The following ASH1L variants were observed in gnomAD, a reference collection of about 807,000 sequenced individuals.
The protein encoded by ASH1L is ASH1 like histone lysine methyltransferase.
In ASH1L, 23 loss-of-function variants were observed where a neutral mutation model predicts 269.0. That is an observed-to-expected ratio of 0.09 (90% CI 0.06 to 0.12). The LOEUF (loss-of-function observed/expected upper bound fraction) is 0.12, where lower values mean the gene tolerates loss of function less well. Ranked by LOEUF, ASH1L falls within the 10% of genes least tolerant of loss-of-function variation. The pLI is 1.00. For missense variants in ASH1L, 2,912 were observed against 3,567.8 expected (o/e 0.82, Z 4.68); for synonymous variants, 1,187 against 1,253.5 (o/e 0.95, Z 1.12).
In ASH1L at chr1:155,444,852, C is replaced by T. The variant is rs796937558; in HGVS notation, c.5087-5784G>A. On this transcript the variant is annotated intron_variant, in intron 4 of 27. Coordinates refer to ENST00000392403, the MANE Select transcript of ASH1L (RefSeq NM_018489.3). Reference sequence around the variant, plus strand: ...CGGGATGGTCTCGATCTCTTGACCTCGTGATCCGCCCGCCTCGGCCTCCCA... The same window carrying T: ...CGGGATGGTCTCGATCTCTTGACCTTGTGATCCGCCCGCCTCGGCCTCCCA... 7.4e-5 allele frequency among the ~76,000 whole-genome samples: 11 copies of T among 149,358 alleles called. 2 individuals are homozygous for T. Among genetic ancestry groups the T allele is most frequent in the African/African-American group, 2.8e-4 (11 of 38,842 alleles).
chr1:155,380,603 A>G (rs1656848202), intron 7 of ASH1L, among the ~76,000 whole-genome samples: 2 of 151,956 alleles, frequency 1.3e-5, no homozygotes, highest in South Asian at 4.2e-4. Flanking sequence ...TTTGTCTTAT[A>G]TAAAATTATT....
At chr1:155,369,311 G>A (rs1337349920) in intron 12 of ASH1L, among the ~76,000 whole-genome samples, 3 of 152,152 alleles carry the variant, frequency 2.0e-5, no homozygotes, top group South Asian at 2.1e-4. Flanking sequence ...GCCGGGCGTG[G>A]TGGCAGGTGC....
intron 5 of ASH1L, among the ~76,000 whole-genome samples, chr1:155,417,481 G>A (rs1354107747): frequency 6.6e-6 from 1 of 152,124 alleles, no homozygotes; most frequent in Non-Finnish European, 1.5e-5. Flanking sequence ...AATTCCATAT[G>A]GCTGAACAAG....
At chr1:155,529,130 T>G (rs1462031352) in intron 1 of ASH1L, among the ~76,000 whole-genome samples, 4 of 152,194 alleles carry the variant, frequency 2.6e-5, no homozygotes, top group Non-Finnish European at 4.4e-5. Context: ...ATCCCATGTC[T>G]TTGCTATTGT....
intron 2 of ASH1L, among the ~76,000 whole-genome samples, chr1:155,490,426 A>G (rs1309188145): frequency 6.6e-6 from 1 of 151,512 alleles, no homozygotes; most frequent in African/African-American, 2.4e-5. Context: ...AGCTTGGCCA[A>G]CATGGTGAAA....
intron 2 of ASH1L, among the ~76,000 whole-genome samples, chr1:155,499,726 A>AT (rs1667385997): frequency 6.6e-6 from 1 of 152,232 alleles, no homozygotes; most frequent in Non-Finnish European, 1.5e-5. Context: ...GAAATCAAAG[A>AT]TATGAGCAGA....
rs200922928 is a variant in ASH1L at position 155,347,760 on chromosome 1, C to A, written c.7699G>T (p.Val2567Phe). The A allele has an allele frequency of 6.2e-7, 1 of 1,614,240 alleles. No homozygotes were observed. Among genetic ancestry groups the A allele is most frequent in the East Asian group, 2.2e-5 (1 of 44,894 alleles). The change falls in exon 20 of 28, where the codon GTC (valine) becomes TTC (phenylalanine). Residue 2567 changes from valine to phenylalanine, a missense_variant. This residue lies in a region of ASH1L where 309 missense variants were observed against 435.1 expected (regional missense o/e 0.71). Transcript: ENST00000392403. The part of the protein sequence containing the change: ...ASEADSSETS[V>F]SEKENGHEKD... ...TCATGCCCATTCTCCTTTTCAGAGA[C>A]TGAGGTCTCACTGCTGTCTGCCTCA...
In ASH1L at chr1:155,407,222, C is replaced by CA. The variant is rs1013807479; in HGVS notation, c.6008+8521dup. ...TGGGAGACAGAGCGAGACTCCGTCT[C>CA]AAAAAAAAAAGTAAATTGAAATTCC... On this transcript the variant is annotated intron_variant, in intron 6 of 27. Coordinates refer to ENST00000392403, the MANE Select transcript of ASH1L (RefSeq NM_018489.3). 1.3e-3 allele frequency among the ~76,000 whole-genome samples: 184 copies of CA among 145,390 alleles called. 1 individual carries two copies. Among genetic ancestry groups the CA allele is most frequent in the Non-Finnish European group, 2.1e-3 (138 of 65,984 alleles).
intron 5 of ASH1L, among the ~76,000 whole-genome samples, chr1:155,425,884 T>G (rs1661113199): frequency 7.3e-6 from 1 of 137,244 alleles, no homozygotes; most frequent in Non-Finnish European, 1.6e-5. Flanking sequence ...GGCCTAATTT[T>G]TTTTGTGGTG....
intron 1 of ASH1L, among the ~76,000 whole-genome samples, chr1:155,555,693 G>A (rs1433647274): frequency 6.6e-6 from 1 of 152,026 alleles, no homozygotes; most frequent in East Asian, 1.9e-4. Flanking sequence ...TGCAAACATC[G>A]AAAAGCAATG....
In ASH1L at chr1:155,344,256, A is replaced by G. The variant is rs368843735; in HGVS notation, c.7908T>C (p.Pro2636=). The change falls in exon 22 of 28, where the codon CCT becomes CCC. Residue 2636 remains proline (P), a synonymous_variant. Transcript: ENST00000392403. ...RPVDREVPMI[P]RPHYAQPGCV... The stretch of plus-strand genomic sequence containing the variant: ...AGCCAGGTTGGGCATAGTGGGGCCG[A>G]GGGATCATGGGAACCTCCTGATAGG... 2.0e-4 allele frequency: 316 copies of G among 1,614,016 alleles called. 1 individual carries two copies. Among genetic ancestry groups the G allele is most frequent in the Non-Finnish European group, 2.6e-4 (312 of 1,180,002 alleles).
At chr1:155,464,871 G>C (rs1359002862) in intron 3 of ASH1L, among the ~76,000 whole-genome samples, 1 of 152,062 alleles carries the variant, frequency 6.6e-6, no homozygotes, top group Admixed American at 6.6e-5. Context: ...CAGCAAAACT[G>C]TAAGATGAAA....
chr1:155,422,946 C>A (rs1660826707), intron 5 of ASH1L, among the ~76,000 whole-genome samples: 1 of 145,552 alleles, frequency 6.9e-6, no homozygotes, highest in Admixed American at 6.8e-5. Flanking sequence ...ATTGAGCTGG[C>A]CTTTCTTTTT....
At chr1:155,369,122 A>G (rs1005298585) in intron 12 of ASH1L, among the ~76,000 whole-genome samples, 19 of 152,192 alleles carry the variant, frequency 1.2e-4, no homozygotes, top group Non-Finnish European at 2.6e-4. Context: ...TACATTTGAA[A>G]AAATTAATGG....
chr1:155,453,564 C>T (rs997407950), intron 4 of ASH1L, among the ~76,000 whole-genome samples: 5 of 152,082 alleles, frequency 3.3e-5, no homozygotes, highest in Admixed American at 1.3e-4. Context: ...CTTTGGGAAG[C>T]CAAGGCAGGT....
chr1:155,466,681 G>A (rs1056782708), intron 3 of ASH1L, among the ~76,000 whole-genome samples: 9 of 152,180 alleles, frequency 5.9e-5, no homozygotes, highest in African/African-American at 1.9e-4. Flanking sequence ...CCATCACCTT[G>A]CGTAGTTATG....
At chr1:155,452,922 T>G (rs1469454569) in intron 4 of ASH1L, among the ~76,000 whole-genome samples, 1 of 152,168 alleles carries the variant, frequency 6.6e-6, no homozygotes, top group Non-Finnish European at 1.5e-5. Context: ...TAGTCAGAGT[T>G]CAAATGTCTC....
intron 10 of ASH1L, among the ~76,000 whole-genome samples, chr1:155,377,762 C>T (rs769379220): frequency 7.9e-5 from 12 of 152,136 alleles, no homozygotes; most frequent in Non-Finnish European, 1.2e-4. Flanking sequence ...CGGTGGCTCA[C>T]GCCTGTAATC....
At chr1:155,545,702 C>A (rs1393333810) in intron 1 of ASH1L, among the ~76,000 whole-genome samples, 2 of 151,160 alleles carry the variant, frequency 1.3e-5, no homozygotes, top group African/African-American at 4.9e-5. Flanking sequence ...TACAATAAAA[C>A]AAAAATCCAT....
Sources: allele counts gnomAD v4.1 joint callset (sites outside exome capture counted in the v4.1 genomes callset), GRCh38; gene constraint gnomAD v4.1.1; regional missense constraint gnomAD v4.1.1; transcripts MANE v1.5; gene names NCBI Gene and HGNC (gene_info 2026-07-23, HGNC 2026-07-21).